The following LMO7 variants were observed in gnomAD, a reference collection of about 807,000 sequenced individuals.
The protein encoded by LMO7 is LIM domain 7.
LMO7 carries 120 observed loss-of-function variants against 206.5 expected under a neutral mutation model. The observed-to-expected ratio is 0.58, with a 90% confidence interval of 0.50 to 0.68. The LOEUF (loss-of-function observed/expected upper bound fraction) is 0.68, where lower values mean the gene tolerates loss of function less well. LMO7 is among the 30% of genes least tolerant of loss of function. The probability of loss-of-function intolerance (pLI) is 0.00; values close to 1 mark genes in which losing one functional copy is unlikely to be tolerated. For synonymous variants in LMO7, 706 were observed against 681.5 expected (o/e 1.04, Z -0.56); for missense variants, 1,959 against 1,957.9 (o/e 1.00, Z -0.01).
At chr13:75,777,892 G>T (rs1432806436) in intron 4 of LMO7, among the ~76,000 whole-genome samples, 2 of 151,970 alleles carry the variant, frequency 1.3e-5, no homozygotes, top group African/African-American at 4.8e-5. Context: ...TGATCCGCCC[G>T]CCTCGGCCTC....
At chr13:75,744,389 C>A (rs1269802678) in intron 3 of LMO7, among the ~76,000 whole-genome samples, 1 of 152,216 alleles carries the variant, frequency 6.6e-6, no homozygotes, top group Non-Finnish European at 1.5e-5. Flanking sequence ...TGAACATTTA[C>A]TTGCCAAGTT....
intron 2 of LMO7, among the ~76,000 whole-genome samples, chr13:75,717,472 C>A (rs79790186): frequency 0.01 from 1,548 of 151,636 alleles, 25 homozygotes; most frequent in East Asian, 0.056. Flanking sequence ...GCAAGATATT[C>A]ACCCCTATCG....
At chr13:75,769,500 A>G (rs540631905) in intron 4 of LMO7, among the ~76,000 whole-genome samples, 2 of 152,208 alleles carry the variant, frequency 1.3e-5, no homozygotes, top group East Asian at 3.9e-4. Flanking sequence ...AACGTGGTAT[A>G]CTTGTACACT....
intron 1 of LMO7, among the ~76,000 whole-genome samples, chr13:75,676,203 C>G (rs2040002541): frequency 6.6e-6 from 1 of 151,908 alleles, no homozygotes; most frequent in African/African-American, 2.4e-5. Flanking sequence ...TTTCCACTTG[C>G]CAGTGGAAAA....
intron 13 of LMO7, 149 bp downstream of exon 13, chr13:75,819,684 G>T: frequency 1.3e-6 from 1 of 790,210 alleles, no homozygotes; most frequent in Non-Finnish European, 1.8e-6. Context: ...ATTTTGGTCT[G>T]CGGTGAAAAA....
chr13:75,623,921 C>A (rs1257265912), intron 2 of LMO7, among the ~76,000 whole-genome samples: 2 of 152,118 alleles, frequency 1.3e-5, no homozygotes, highest in Non-Finnish European at 2.9e-5. Context: ...GCATAATAAC[C>A]AGGTGTCTTT....
intron 3 of LMO7, among the ~76,000 whole-genome samples, chr13:75,743,986 A>G (rs994070342): frequency 6.6e-6 from 1 of 152,218 alleles, no homozygotes; most frequent in Admixed American, 6.5e-5. Context: ...GTTTGAGGTT[A>G]TCCAGTATGA....
At chr13:75,634,151 G>C (rs113268090), upstream of LMO7, among the ~76,000 whole-genome samples, 106 of 152,030 alleles carry the variant, frequency 7.0e-4, no homozygotes, top group Non-Finnish European at 1.3e-3. Flanking sequence ...CCATTTAGGG[G>C]TGAAATCTCC....
intron 1 of LMO7, among the ~76,000 whole-genome samples, chr13:75,638,889 A>G (rs967312250): frequency 1.3e-5 from 2 of 152,092 alleles, no homozygotes; most frequent in Admixed American, 6.5e-5. Flanking sequence ...TTTGTAAAGT[A>G]TTCTTTCCCC....
chr13:75,694,372 G>A (rs1380533078), intron 1 of LMO7, among the ~76,000 whole-genome samples: 1 of 152,192 alleles, frequency 6.6e-6, no homozygotes, highest in Non-Finnish European at 1.5e-5. Context: ...AAGGGGCGAA[G>A]GGGCTCGAAG....
At chr13:75,847,041 A>C (rs1341910356) in intron 26 of LMO7, among the ~76,000 whole-genome samples, 1 of 152,094 alleles carries the variant, frequency 6.6e-6, no homozygotes, top group East Asian at 1.9e-4. Flanking sequence ...AAAAAAAAAA[A>C]AAAAAAGGCA....
chr13:75,781,488 T>C (rs1053644477), intron 4 of LMO7, among the ~76,000 whole-genome samples: 1 of 151,910 alleles, frequency 6.6e-6, no homozygotes, highest in Non-Finnish European at 1.5e-5. Flanking sequence ...TAGTATTCCA[T>C]GGTGTATATG....
chr13:75,819,388 G>A lies in LMO7; in HGVS notation c.2065-5G>A, dbSNP rs2057361076. 3 of 1,598,900 alleles carry A rather than the reference G, an allele frequency of 1.9e-6. No individual in the cohort carries two copies. Among genetic ancestry groups the A allele is most frequent in the Non-Finnish European group, 1.7e-6 (2 of 1,174,802 alleles). ...GTGCCCCTGCTGATGTGATTTTTCTGTCAGGACCTTGCAAAATGGAAAGAT... is the reference window on the plus strand; with the variant it reads ...GTGCCCCTGCTGATGTGATTTTTCTATCAGGACCTTGCAAAATGGAAAGAT... On this transcript the variant is annotated splice_region_variant and splice_polypyrimidine_tract_variant and intron_variant, in intron 12 of 30. Coordinates refer to ENST00000377534, the MANE Select transcript of LMO7 (RefSeq NM_001306080.2).
intron 2 of LMO7, among the ~76,000 whole-genome samples, chr13:75,624,026 C>T (rs1175955599): frequency 6.6e-6 from 1 of 152,198 alleles, no homozygotes; most frequent in Non-Finnish European, 1.5e-5. Flanking sequence ...CCTCCAGTAT[C>T]TCCATGGATT....
At chr13:75,821,103 G>T in intron 13 of LMO7, 74 bp from the exon 14 acceptor site, 1 of 1,172,670 alleles carries the variant, frequency 8.5e-7, no homozygotes. Context: ...CGTTTCATGC[G>T]TTGATTACTC....
At chr13:75,675,332 C>G (rs762555487) in intron 1 of LMO7, among the ~76,000 whole-genome samples, 1 of 152,152 alleles carries the variant, frequency 6.6e-6, no homozygotes, top group Non-Finnish European at 1.5e-5. Flanking sequence ...CCTCGACCTC[C>G]CAAAGTTTTG....
rs1430320944 is a variant in LMO7, at chr13:75,817,653, G to C, written c.2064+375G>C. On this transcript the variant is annotated intron_variant, in intron 12 of 30. Transcript: ENST00000377534. ...AAATTTAGGGAGAGAAGAGGAACAG[G>C]GTTCTGGCAGAGACCTTGGCATCAG... 3.9e-5 allele frequency among the ~76,000 whole-genome samples: 6 copies of C among 152,228 alleles called. No homozygotes were observed. In the South Asian group the frequency reaches 1.2e-3, roughly 32 times the overall value.
At position 75,821,521 on chromosome 13, in the gene LMO7, C is replaced by T; in HGVS notation, c.2552C>T (p.Thr851Ile). 5 of 1,614,082 alleles carry T rather than the reference C, an allele frequency of 3.1e-6. No individual in the cohort carries two copies. Among genetic ancestry groups the T allele is most frequent in the Non-Finnish European group, 2.5e-6 (3 of 1,179,930 alleles). The change falls in exon 14 of 31, where the codon ACT becomes ATT. Residue 851 changes from threonine (T) to isoleucine (I), a missense_variant. Physicochemically the swap from Thr to Ile is moderately conservative, Grantham distance 89. Transcript: ENST00000377534. ...TCTCTCCCCAGAAGTTACCGGAAAA[C>T]TGATACAGTCAGGTTAACATCTGTG... ...SASLPRSYRK[T>I]DTVRLTSVVT...
rs113081670 is a variant in LMO7, at chr13:75,839,918, T to C, written c.3452-167T>C. 239 of 597,514 alleles carry C rather than the reference T, an allele frequency of 4.0e-4. No homozygotes were observed. In the African/African-American group the frequency reaches 4.2e-3, roughly 11 times the overall value. 37.0% of individuals were successfully genotyped at this position (597,514 alleles called of 1,614,324 possible). A position where few individuals can be genotyped will look rare whatever the true frequency, so the allele number is the denominator to read the frequency against. ...AAAGATGAGTAACAGATGGAACTGTTACACCTGGAGAAAAAAGGATTTACT... is the reference window on the plus strand; with the variant it reads ...AAAGATGAGTAACAGATGGAACTGTCACACCTGGAGAAAAAAGGATTTACT... On this transcript the variant is annotated intron_variant, in intron 20 of 30. Coordinates refer to ENST00000377534, the MANE Select transcript of LMO7 (RefSeq NM_001306080.2).
Sources: allele counts gnomAD v4.1 joint callset (sites outside exome capture counted in the v4.1 genomes callset), GRCh38; gene constraint gnomAD v4.1.1; transcripts MANE v1.5; gene names NCBI Gene and HGNC (gene_info 2026-07-23, HGNC 2026-07-21).